The following GLIS3 variants were observed in gnomAD, a reference collection of about 807,000 sequenced individuals.
The protein encoded by GLIS3 is zinc finger protein GLIS3.
A neutral mutation model predicts 78.6 loss-of-function variants in GLIS3; 53 were observed. The ratio of observed to expected loss-of-function variants is 0.67; its 90% confidence interval spans 0.54 to 0.85. The LOEUF is 0.85. Ranked by LOEUF, GLIS3 falls within the 40% of genes least tolerant of loss-of-function variation. The probability of loss-of-function intolerance (pLI) is 0.00; values close to 1 mark genes in which losing one functional copy is unlikely to be tolerated. For missense variants in GLIS3, 1,703 were observed against 1,231.1 expected, an observed-to-expected ratio of 1.38 and a Z score of -5.74; for synonymous variants, 684 against 509.9, an observed-to-expected ratio of 1.34 and a Z score of -4.60.
the GLIS3 span, among the ~76,000 whole-genome samples, chr9:4,438,435 G>A: frequency 0.27 from 40,791 of 152,054 alleles, 6,109 homozygotes; most frequent in Middle Eastern, 0.43. Flanking sequence ...TCCCCACCCC[G>A]TGATTATTTT....
intron 7 of GLIS3, among the ~76,000 whole-genome samples, chr9:3,884,276 C>T (rs1821925965): frequency 6.6e-6 from 1 of 152,012 alleles, no homozygotes; most frequent in East Asian, 1.9e-4. Flanking sequence ...TAGTAGCATC[C>T]CCAAATAAAG....
At chr9:3,973,670 A>G (rs981097453) in intron 4 of GLIS3, among the ~76,000 whole-genome samples, 3 of 152,194 alleles carry the variant, frequency 2.0e-5, no homozygotes, top group Non-Finnish European at 4.4e-5. Context: ...GCTGTTGGGA[A>G]ATTTTTAAAT....
intron 4 of GLIS3, among the ~76,000 whole-genome samples, chr9:4,105,817 C>T (rs1830707141): frequency 6.6e-6 from 1 of 152,088 alleles, no homozygotes. Context: ...AGCACAAAAC[C>T]AGAGTCACAA....
chr9:4,388,964 G>C, the GLIS3 span, among the ~76,000 whole-genome samples: 2 of 152,064 alleles, frequency 1.3e-5, no homozygotes, highest in Non-Finnish European at 2.9e-5. Context: ...GAAGAAAAGG[G>C]GATAGGGTAG....
At chr9:4,377,751 A>G in the GLIS3 span, among the ~76,000 whole-genome samples, 1 of 152,096 alleles carries the variant, frequency 6.6e-6, no homozygotes. Flanking sequence ...TTTTTTCATT[A>G]TTAGACAAAG....
At chr9:4,128,006 T>C (rs1586750409) in intron 2 of GLIS3, among the ~76,000 whole-genome samples, 1 of 152,330 alleles carries the variant, frequency 6.6e-6, no homozygotes, top group South Asian at 2.1e-4. Context: ...AGTAAGAACA[T>C]GAACTGCCAG....
intron 6 of GLIS3, among the ~76,000 whole-genome samples, chr9:3,913,183 CTTTCA>C (rs1824266313): frequency 6.6e-6 from 1 of 152,228 alleles, no homozygotes; most frequent in African/African-American, 2.4e-5. Context: ...TTTCTTCTGC[CTTTCA>C]TTTAATTAAA....
Position 4,257,483 on chromosome 9 carries a change from C to T in GLIS3, c.388+28555G>A, listed in dbSNP as rs567755687. Among the ~76,000 whole-genome samples, 11 of 152,054 alleles carry T rather than the reference C, an allele frequency of 7.2e-5. 1 individual carries two copies. Among genetic ancestry groups the T allele is most frequent in the African/African-American group, 2.2e-4 (9 of 41,464 alleles). On this transcript the variant is annotated intron_variant, in intron 2 of 10. Coordinates refer to ENST00000381971, the MANE Select transcript of GLIS3 (RefSeq NM_001042413.2). The stretch of plus-strand genomic sequence containing the variant: ...GGGAATAGATTTTGGGTACTCTTAC[C>T]ACAAAAAAGCAAACCAAAAGAAAGA...
chr9:3,985,266 C>T (rs1819646296), intron 4 of GLIS3, among the ~76,000 whole-genome samples: 1 of 152,178 alleles, frequency 6.6e-6, no homozygotes, highest in Non-Finnish European at 1.5e-5. Flanking sequence ...CCTCAGCCTC[C>T]TGAGTAGCTG....
rs148782795 is a variant in GLIS3 at position 4,306,958 on chromosome 9, A to G, written n.584+1819T>C. 5.3e-5 allele frequency among the ~76,000 whole-genome samples: 8 copies of G among 152,370 alleles called. No individual in the cohort carries two copies. The East Asian group carries it at 1.5e-3, about 29-fold the overall frequency. Reference sequence around the variant, plus strand: ...TCTCAGCAGATTGCGTAAGTCAGAAATGTTCTCCCTGTCACTGCTTTCTTT... The same window carrying G: ...TCTCAGCAGATTGCGTAAGTCAGAAGTGTTCTCCCTGTCACTGCTTTCTTT... On this transcript the variant is annotated intron_variant and non_coding_transcript_variant, in intron 4 of 4. Coordinates refer to the GLIS3 transcript ENST00000471664.
At chr9:4,018,968 G>A (rs1251401341) in intron 4 of GLIS3, among the ~76,000 whole-genome samples, 1 of 152,126 alleles carries the variant, frequency 6.6e-6, no homozygotes, top group Admixed American at 6.5e-5. Context: ...TCTGGGTCTC[G>A]AAGTCCTATT....
At chr9:4,373,933 T>C in the GLIS3 span, among the ~76,000 whole-genome samples, 2 of 152,188 alleles carry the variant, frequency 1.3e-5, no homozygotes, top group African/African-American at 4.8e-5. Flanking sequence ...CCCACAGTGC[T>C]GGGATTACAG....
chr9:4,360,678 C>T, the GLIS3 span, among the ~76,000 whole-genome samples: 1 of 152,164 alleles, frequency 6.6e-6, no homozygotes, highest in Non-Finnish European at 1.5e-5. Context: ...TCAGGGTTAA[C>T]GTTTGAACCA....
intron 2 of GLIS3, among the ~76,000 whole-genome samples, chr9:4,318,838 C>T (rs1229489066): frequency 6.6e-6 from 1 of 152,190 alleles, no homozygotes; most frequent in African/African-American, 2.4e-5. Context: ...CTCAAAATAT[C>T]TCCCCACAGA....
chr9:4,434,865 AGTGCTGAGCTGG>A, the GLIS3 span, among the ~76,000 whole-genome samples: 2 of 152,236 alleles, frequency 1.3e-5, no homozygotes, highest in Non-Finnish European at 1.5e-5. Context: ...ATGTGAGACC[AGTGCTGAGCTGG>A]GTGCTAGAGA....
chr9:4,443,210 C>A, the GLIS3 span, among the ~76,000 whole-genome samples: 20 of 152,214 alleles, frequency 1.3e-4, no homozygotes, highest in Admixed American at 4.6e-4. Context: ...AAGCTACTGT[C>A]TGCTTCTAGA....
intron 9 of GLIS3, among the ~76,000 whole-genome samples, chr9:3,848,580 T>G (rs1819210319): frequency 6.6e-6 from 1 of 152,188 alleles, no homozygotes; most frequent in Non-Finnish European, 1.5e-5. Context: ...GCGAAATCAG[T>G]CATGGCTACA....
intron 3 of GLIS3, among the ~76,000 whole-genome samples, chr9:4,121,044 T>C (rs865998822): frequency 8.5e-5 from 13 of 152,224 alleles, no homozygotes; most frequent in Admixed American, 3.3e-4. Context: ...AAGACAATTA[T>C]ATATTTTTCA....
At chr9:4,408,466 A>C in the GLIS3 span, among the ~76,000 whole-genome samples, 9 of 151,544 alleles carry the variant, frequency 5.9e-5, no homozygotes, top group East Asian at 1.7e-3. Context: ...ACCTTGGCTC[A>C]GCCTGTAATC....
Sources: allele counts gnomAD v4.1 joint callset (sites outside exome capture counted in the v4.1 genomes callset), GRCh38; gene constraint gnomAD v4.1.1; transcripts MANE v1.5; gene names NCBI Gene and HGNC (gene_info 2026-07-23, HGNC 2026-07-21).